ZNF174: variants seen among roughly 807,000 people sequenced by gnomAD.
The protein encoded by ZNF174 is zinc finger protein 174, also known as AW-1.
Under a neutral mutation model 38.7 loss-of-function variants are expected in ZNF174, and 30 were observed. That is an observed-to-expected ratio of 0.78 (90% CI 0.58 to 1.05). The LOEUF is 1.05. Ranked by LOEUF, ZNF174 falls within the 50% of genes least tolerant of loss-of-function variation. The pLI, the probability that ZNF174 is intolerant of heterozygous loss-of-function variation, is 0.00. For synonymous variants in ZNF174, 201 were observed against 181.7 expected, an observed-to-expected ratio of 1.11 and a Z score of -0.86; for missense variants, 499 against 495.6, an observed-to-expected ratio of 1.01 and a Z score of -0.06.
chr16:3,403,150 C>CT lies in ZNF174; in HGVS notation c.402+781dup, dbSNP rs753071209. ...GTCTTTCCAGTGTTTAGCTTATAGT[C>CT]TTTTTTTTTTTTTTTTTTTTTTTTT... On this transcript the variant is annotated intron_variant, in intron 1 of 2. Coordinates refer to ENST00000268655, the MANE Select transcript of ZNF174 (RefSeq NM_003450.3). Among the ~76,000 whole-genome samples, 14 of 30,974 alleles carry CT rather than the reference C, an allele frequency of 4.5e-4. 3 individuals carry two copies. The highest frequency in any genetic ancestry group is 1.0e-3 in the Admixed American group (2 of 1,924). The allele number at this position is 30,974 out of a possible 152,430, so 20.3% of individuals were successfully genotyped here. A position where few individuals can be genotyped will look rare whatever the true frequency, so the allele number is the denominator to read the frequency against.
At position 3,409,000 on chromosome 16, in the gene ZNF174, CTG is replaced by C. The variant is rs1312598423; in HGVS notation, c.*86_*87del. 2.2e-6 allele frequency: 3 copies of C among 1,352,204 alleles called. No individual in the cohort carries two copies. The African/African-American group carries it at 4.4e-5, about 20-fold the overall frequency. The allele number at this position is 1,352,204 out of a possible 1,614,324, so 83.8% of individuals were successfully genotyped here. On this transcript the variant is annotated 3_prime_UTR_variant, in exon 3 of 3. Coordinates refer to ENST00000268655, the MANE Select transcript of ZNF174 (RefSeq NM_003450.3). ...CTTACTTGCATGTAAATCACAAAAA[CTG>C]TGTGACTTACAAGGAAAGCACGAGG...
At position 3,408,542 on chromosome 16, in the gene ZNF174, G is replaced by T. The variant is rs1567343007; in HGVS notation, c.847G>T (p.Glu283Ter). 1 of 1,614,160 alleles carries T rather than the reference G, an allele frequency of 6.2e-7. No homozygotes were observed. Among genetic ancestry groups the T allele is most frequent in the Non-Finnish European group, 8.5e-7 (1 of 1,180,044 alleles). Residue 283 changes from glutamate (E) to a stop codon, truncating the protein, a stop_gained, in exon 3 of 3, where the codon GAA becomes TAA. Transcript: ENST00000268655. LOFTEE classifies it high-confidence loss of function. The part of the protein sequence containing the change: ...FAHYQRHCRV[E>*]YISSPLKSHP... ...TCACTACCAGAGACATTGCAGGGTG[G>T]AATACATCAGCAGCCCCCTAAAAAG...
At chr16:3,404,984 C>T (rs1231864192) in intron 2 of ZNF174, 3 of 1,614,080 alleles carry the variant, frequency 1.9e-6, no homozygotes, top group Non-Finnish European at 1.7e-6. Flanking sequence ...AGTTTCATTG[C>T]TTAAAATGCT....
intron 2 of ZNF174, among the ~76,000 whole-genome samples, 189 bp from the exon 3 acceptor site, chr16:3,408,132 G>A (rs539936274): frequency 2.0e-5 from 3 of 152,204 alleles, no homozygotes; most frequent in East Asian, 3.9e-4. Flanking sequence ...CCAACCCCCC[G>A]AGATTCTGAC....
chr16:3,408,948 C>A lies in ZNF174; in HGVS notation c.*29C>A. ...GAGCACTCCATGCTTTAGATTCACA[C>A]GGAAGGTGTTTGTGTTTCTCCTCCC... On this transcript the variant is annotated 3_prime_UTR_variant, in exon 3 of 3. Transcript: ENST00000268655. 2 of 1,556,662 alleles carry A rather than the reference C, an allele frequency of 1.3e-6. No homozygotes were observed. The highest frequency in any genetic ancestry group is 1.9e-5 in the Admixed American group (1 of 51,984).
chr16:3,406,619 T>A (rs1325918041), intron 2 of ZNF174, among the ~76,000 whole-genome samples: 1 of 152,256 alleles, frequency 6.6e-6, no homozygotes, highest in East Asian at 1.9e-4. Flanking sequence ...TGGTCATTTT[T>A]AAATTAGGTT....
At chr16:3,408,217 A>T in intron 2 of ZNF174, 104 bp from the exon 3 acceptor site, 1 of 1,155,082 alleles carries the variant, frequency 8.7e-7, no homozygotes, top group Non-Finnish European at 1.2e-6. Context: ...GCAAGTTGCC[A>T]GCGGAGGGCC....
At chr16:3,403,631 C>T (rs1250117577) in intron 1 of ZNF174, among the ~76,000 whole-genome samples, 1 of 152,034 alleles carries the variant, frequency 6.6e-6, no homozygotes, top group African/African-American at 2.4e-5. Context: ...ACTGCAGGTA[C>T]ATGCCACCAT....
At chr16:3,403,843 G>C (rs969146247) in intron 1 of ZNF174, among the ~76,000 whole-genome samples, 6 of 152,272 alleles carry the variant, frequency 3.9e-5, no homozygotes, top group South Asian at 2.1e-4. Context: ...CGTTGCCATT[G>C]CTTGCCACTC....
chr16:3,404,028 C>G, intron 1 of ZNF174, among the ~76,000 whole-genome samples: 1 of 152,180 alleles, frequency 6.6e-6, no homozygotes, highest in East Asian at 1.9e-4. Context: ...GTAAGAAGGA[C>G]TTTTAACAGC....
chr16:3,405,188 C>T, intron 2 of ZNF174: 1 of 1,061,226 alleles, frequency 9.4e-7, no homozygotes, highest in Middle Eastern at 3.2e-4. Flanking sequence ...ACATTTTGGC[C>T]AAGCCTGGTG....
At chr16:3,407,746 A>C (rs2034074948) in intron 2 of ZNF174, among the ~76,000 whole-genome samples, 1 of 152,218 alleles carries the variant, frequency 6.6e-6, no homozygotes, top group Non-Finnish European at 1.5e-5. Context: ...TGTAATTAGG[A>C]TACATGGCTA....
At position 3,402,364 on chromosome 16, in the gene ZNF174, C is replaced by G. The variant is rs770330332; in HGVS notation, c.360C>G (p.Leu120=). The G allele has an allele frequency of 2.5e-6, 4 of 1,613,848 alleles. No individual in the cohort carries two copies. In the South Asian group the frequency reaches 3.3e-5, roughly 13 times the overall value. The change falls in exon 1 of 3, where the codon CTC becomes CTG. Residue 120 remains leucine, a synonymous_variant. Coordinates refer to ENST00000268655, the MANE Select transcript of ZNF174 (RefSeq NM_003450.3). ...TGAGCAGCAAGGAGATTGTGACCCT[C>G]GTGGAAGATTTTCACAGAGCATCCA... The part of the protein sequence containing the change: ...CPMSSKEIVT[L]VEDFHRASKK...
Position 3,409,245 on chromosome 16 carries a change from T to G in ZNF174, c.*326T>G, listed in dbSNP as rs1019949718. On this transcript the variant is annotated 3_prime_UTR_variant, in exon 3 of 3. Coordinates refer to ENST00000268655, the MANE Select transcript of ZNF174 (RefSeq NM_003450.3). ...ACTGTTAAATCGTCCCTCTGTTGCT[T>G]TATCCTCTAAAATATGTTAAGGGAT... The G allele has an allele frequency of 2.8e-5, 8 of 282,702 alleles. No homozygotes were observed. Among genetic ancestry groups the G allele is most frequent in the Middle Eastern group, 1.1e-3 (1 of 876 alleles). 17.5% of individuals were successfully genotyped at this position (282,702 alleles called of 1,614,324 possible). A position where few individuals can be genotyped will look rare whatever the true frequency, so the allele number is the denominator to read the frequency against.
Position 3,402,138 on chromosome 16 carries a change from G to C in ZNF174, c.134G>C (p.Cys45Ser), listed in dbSNP as rs2033926936. 1 of 1,614,062 alleles carries C rather than the reference G, an allele frequency of 6.2e-7. No individual in the cohort carries two copies. Among genetic ancestry groups the C allele is most frequent in the African/African-American group, 1.3e-5 (1 of 74,920 alleles). Reference protein sequence around the residue: ...LQKNCPDPELCRQSFRRFCYQ... With the variant: ...LQKNCPDPELSRQSFRRFCYQ... ...AAAAACTGCCCAGATCCTGAGCTCT[G>C]CCGCCAGAGCTTCAGACGCTTTTGT... is the stretch of plus-strand genomic sequence containing the variant. The change falls in exon 1 of 3, where the codon TGC (cysteine) becomes TCC (serine). Residue 45 changes from cysteine to serine, a missense_variant. Cys to Ser is a moderately radical substitution (Grantham distance 112). Transcript: ENST00000268655.
intron 2 of ZNF174, among the ~76,000 whole-genome samples, chr16:3,407,597 C>T (rs989672546): frequency 4.6e-5 from 7 of 152,162 alleles, no homozygotes; most frequent in African/African-American, 1.7e-4. Context: ...CTAGTGGCTG[C>T]CATATTGAAC....
Position 3,404,516 on chromosome 16 carries a change from A to T in ZNF174, c.493A>T (p.Thr165Ser), listed in dbSNP as rs780693744. ...GGAACTGCCAGACTTTCAACCGCAG[A>T]CTCCTAGGAGAGATCTCAGGGAGAG... ...EQELPDFQPQTPRRDLRESSP... is the reference protein window; with the variant it reads ...EQELPDFQPQSPRRDLRESSP... The change falls in exon 2 of 3, where the codon ACT becomes TCT. Residue 165 changes from threonine (T) to serine (S), a missense_variant. Physicochemically the swap from Thr to Ser is moderately conservative, Grantham distance 58. Transcript: ENST00000268655. The T allele has an allele frequency of 6.2e-7, 1 of 1,613,380 alleles. No individual in the cohort carries two copies. Among genetic ancestry groups the T allele is most frequent in the East Asian group, 2.2e-5 (1 of 44,838 alleles).
In ZNF174 at chr16:3,404,526, G is replaced by C. The variant is rs186934417; in HGVS notation, c.503G>C (p.Arg168Thr). The C allele has an allele frequency of 1.9e-6, 3 of 1,614,116 alleles. No individual in the cohort carries two copies. The highest frequency in any genetic ancestry group is 2.5e-6 in the Non-Finnish European group (3 of 1,180,044). Reference protein sequence around the residue: ...LPDFQPQTPRRDLRESSPAEP... With the variant: ...LPDFQPQTPRTDLRESSPAEP... ...GACTTTCAACCGCAGACTCCTAGGA[G>C]AGATCTCAGGGAGAGCTCTCCAGCA... Residue 168 changes from arginine (R) to threonine (T), a missense_variant, in exon 2 of 3, where the codon AGA becomes ACA. Coordinates refer to ENST00000268655, the MANE Select transcript of ZNF174 (RefSeq NM_003450.3).
At chr16:3,408,131 C>T (rs577358280) in intron 2 of ZNF174, among the ~76,000 whole-genome samples, 190 bp from the exon 3 acceptor site, 3 of 152,280 alleles carry the variant, frequency 2.0e-5, no homozygotes, top group African/African-American at 4.8e-5. Context: ...CCCAACCCCC[C>T]GAGATTCTGA....
Sources: gnomAD v4.1 joint callset for allele counts (sites outside exome capture counted in the v4.1 genomes callset) on GRCh38, gnomAD v4.1.1 for gene constraint, MANE v1.5 for transcripts, NCBI Gene and HGNC (gene_info 2026-07-23, HGNC 2026-07-21) for gene names.